The following TANGO2 variants were observed in gnomAD, a reference collection of about 807,000 sequenced individuals.
TANGO2 encodes transport and Golgi organization protein 2 homolog.
In TANGO2, 26 loss-of-function variants were observed where a neutral mutation model predicts 39.1. The ratio of observed to expected loss-of-function variants is 0.67; its 90% CI spans 0.49 to 0.92. TANGO2 has a LOEUF of 0.92. TANGO2 is among the 40% of genes least tolerant of loss of function. The pLI is 0.00. For missense variants in TANGO2, 326 were observed against 360.1 expected (o/e 0.91, Z 0.77); for synonymous variants, 131 against 144.5 (o/e 0.91, Z 0.67).
chr22:20,020,056 C>T (rs1225992448), upstream of TANGO2, among the ~76,000 whole-genome samples: 3 of 152,236 alleles, frequency 2.0e-5, no homozygotes, highest in Admixed American at 6.5e-5. Context: ...CAGTTTTCTG[C>T]AGGGCATCAG....
At chr22:20,056,231 G>A (rs1471099255) in intron 6 of TANGO2, 3 of 691,966 alleles carry the variant, frequency 4.3e-6, no homozygotes, top group Admixed American at 2.0e-5. Flanking sequence ...TTTTCCTGCT[G>A]AGCAAGGTGC....
At chr22:20,043,097 C>T (rs1443693399) in intron 2 of TANGO2, among the ~76,000 whole-genome samples, 6 of 152,142 alleles carry the variant, frequency 3.9e-5, no homozygotes, top group Non-Finnish European at 8.8e-5. Flanking sequence ...ACCCGTCTCC[C>T]GCCATTGAAT....
chr22:20,062,775 C>T (rs977502754), intron 7 of TANGO2, among the ~76,000 whole-genome samples: 4 of 152,248 alleles, frequency 2.6e-5, no homozygotes, highest in South Asian at 2.1e-4. Flanking sequence ...CAAAGCTCCA[C>T]GATTGAGTCA....
intron 6 of TANGO2, among the ~76,000 whole-genome samples, chr22:20,060,841 G>A (rs920160151): frequency 2.0e-5 from 3 of 152,182 alleles, no homozygotes; most frequent in Admixed American, 1.3e-4. Context: ...GCCCACCCCT[G>A]CTGCCCTGGC....
chr22:20,036,997 G>T, intron 2 of TANGO2, 143 bp downstream of exon 2: 1 of 1,597,428 alleles, frequency 6.3e-7, no homozygotes, highest in South Asian at 1.1e-5. Context: ...TCCAGGACAG[G>T]GTCACTCAGT....
chr22:20,050,357 GGTTTTTTTTTTTTT>G (rs1448417509), intron 3 of TANGO2, among the ~76,000 whole-genome samples: 4 of 69,208 alleles, frequency 5.8e-5, no homozygotes, highest in East Asian at 6.9e-4. Flanking sequence ...TTTTCCTGGT[GGTTTTTTTTTTTTT>G]TTTTTTTTTT....
intron 3 of TANGO2, among the ~76,000 whole-genome samples, chr22:20,046,818 A>G (rs2045310644): frequency 6.6e-6 from 1 of 151,994 alleles, no homozygotes; most frequent in African/African-American, 2.4e-5. Context: ...TTGTATTTTT[A>G]GTAGAGATGG....
intron 2 of TANGO2, among the ~76,000 whole-genome samples, chr22:20,040,726 G>C (rs2043746621): frequency 6.6e-6 from 1 of 152,370 alleles, no homozygotes; most frequent in South Asian, 2.1e-4. Context: ...GCACTGTCCA[G>C]CCCAGGGAAG....
chr22:20,034,427 A>G (rs1601942685), intron 1 of TANGO2, among the ~76,000 whole-genome samples: 1 of 152,264 alleles, frequency 6.6e-6, no homozygotes, highest in East Asian at 1.9e-4. Flanking sequence ...TCTTTGAAAA[A>G]TGATTTTGAG....
chr22:20,039,518 A>G (rs1461083063), intron 2 of TANGO2, among the ~76,000 whole-genome samples: 4 of 151,884 alleles, frequency 2.6e-5, no homozygotes, highest in Non-Finnish European at 4.4e-5. Context: ...AATCCCAGCT[A>G]TTAGGGAGGC....
chr22:20,037,632 CAGGA>C (rs2043096749), intron 2 of TANGO2, among the ~76,000 whole-genome samples: 1 of 151,774 alleles, frequency 6.6e-6, no homozygotes, highest in Non-Finnish European at 1.5e-5. Flanking sequence ...GCCAAGGAAT[CAGGA>C]AGGAAGGGTG....
intron 1 of TANGO2, among the ~76,000 whole-genome samples, chr22:20,023,169 C>T (rs1189461313): frequency 1.3e-5 from 2 of 152,230 alleles, no homozygotes; most frequent in African/African-American, 4.8e-5. Flanking sequence ...CTTCTCCCAG[C>T]GGCTGCTCCC....
Position 20,043,429 on chromosome 22 carries a change from A to G in TANGO2, c.131A>G (p.Asn44Ser), listed in dbSNP as rs1486183079. The G allele has an allele frequency of 6.2e-7, 1 of 1,612,906 alleles. No homozygotes were observed. The highest frequency in any genetic ancestry group is 1.1e-5 in the South Asian group (1 of 90,982). ...SKLADFWGNN[N>S]EILSGLDMEE... Reference sequence around the variant, plus strand: ...TTAGCTGACTTCTGGGGGAACAACAACGAGATCCTCAGTGGTGAGTCTTCC... The same window carrying G: ...TTAGCTGACTTCTGGGGGAACAACAGCGAGATCCTCAGTGGTGAGTCTTCC... The change falls in exon 3 of 9, where the codon AAC (asparagine) becomes AGC (serine). Residue 44 changes from asparagine to serine, a missense_variant. Coordinates refer to ENST00000327374, the MANE Select transcript of TANGO2 (RefSeq NM_152906.7).
chr22:20,064,379 C>T (rs2048930623), intron 8 of TANGO2, among the ~76,000 whole-genome samples, 163 bp from the exon 9 acceptor site: 3 of 152,242 alleles, frequency 2.0e-5, no homozygotes, highest in African/African-American at 7.2e-5. Context: ...GATGGCCCCT[C>T]ATCATCCCCA....
At chr22:20,025,266 T>A (rs778172034) in intron 1 of TANGO2, among the ~76,000 whole-genome samples, 2 of 151,544 alleles carry the variant, frequency 1.3e-5, no homozygotes, top group Non-Finnish European at 2.9e-5. Context: ...CTAATTTTTG[T>A]GTTTTTAGTA....
At chr22:20,052,815 G>A (rs377752141) in intron 4 of TANGO2, among the ~76,000 whole-genome samples, 2 of 152,156 alleles carry the variant, frequency 1.3e-5, no homozygotes, top group East Asian at 3.9e-4. Context: ...GGCAGGGCAG[G>A]GCCCAGGTAA....
rs367451 is a variant in TANGO2 at position 20,065,261 on chromosome 22, C to T, written c.*599C>T. Reference sequence around the variant, plus strand: ...CACAGAACACAGGCGTGCTTGGACTCTTGACAAGCAGACCTGCTCCTGCAG... The same window carrying T: ...CACAGAACACAGGCGTGCTTGGACTTTTGACAAGCAGACCTGCTCCTGCAG... On this transcript the variant is annotated 3_prime_UTR_variant, in exon 9 of 9. Transcript: ENST00000327374. The T allele has an allele frequency of 0.064, 9,675 of 152,336 alleles. 335 individuals are homozygous for T. The highest frequency in any genetic ancestry group is 0.11 in the South Asian group (508 of 4,820). 9.4% of individuals were successfully genotyped at this position (152,336 alleles called of 1,614,324 possible). A position where few individuals can be genotyped will look rare whatever the true frequency, so the allele number is the denominator to read the frequency against.
intron 2 of TANGO2, among the ~76,000 whole-genome samples, chr22:20,037,459 C>T (rs947897939): frequency 3.3e-5 from 5 of 152,300 alleles, no homozygotes; most frequent in Non-Finnish European, 5.9e-5. Flanking sequence ...TAAAATGAAA[C>T]GTGTAACCAC....
intron 3 of TANGO2, among the ~76,000 whole-genome samples, chr22:20,045,058 C>T (rs943604193): frequency 3.3e-5 from 5 of 152,152 alleles, no homozygotes; most frequent in Non-Finnish European, 2.9e-5. Flanking sequence ...CTGGCGTCAC[C>T]GGATTGTATG....
Sources: gnomAD v4.1 joint callset for allele counts (sites outside exome capture counted in the v4.1 genomes callset) on GRCh38, gnomAD v4.1.1 for gene constraint, MANE v1.5 for transcripts, NCBI Gene and HGNC (gene_info 2026-07-23, HGNC 2026-07-21) for gene names.